Variants in DCTN4 observed in about 807,000 individuals in gnomAD.
The protein encoded by DCTN4 is dynactin 4 (p62).
DCTN4 carries 23 observed loss-of-function variants against 62.7 expected under a neutral mutation model. The observed-to-expected ratio is 0.37, with a 90% confidence interval of 0.26 to 0.52. The LOEUF is 0.52. Among genes scored for constraint, DCTN4 ranks in the 20% least tolerant of loss-of-function variants. The probability of loss-of-function intolerance (pLI) is 0.92; values close to 1 mark genes in which losing one functional copy is unlikely to be tolerated. For synonymous variants in DCTN4, 199 were observed against 202.1 expected (o/e 0.98, Z 0.13); for missense variants, 514 against 580.4 (o/e 0.89, Z 1.18).
At chr5:150,728,116 C>A (rs1254423296) in intron 8 of DCTN4, among the ~76,000 whole-genome samples, 1 of 152,034 alleles carries the variant, frequency 6.6e-6, no homozygotes, top group Non-Finnish European at 1.5e-5. Flanking sequence ...TATAAACACA[C>A]AACAAGCAAA....
chr5:150,722,152 T>A (rs549854783), intron 9 of DCTN4, among the ~76,000 whole-genome samples: 4 of 152,308 alleles, frequency 2.6e-5, no homozygotes, highest in African/African-American at 9.6e-5. Flanking sequence ...TAACCACTAT[T>A]TCTTTTTGCT....
At chr5:150,755,592 A>C (rs151036003) in intron 2 of DCTN4, 631 of 456,226 alleles carry the variant, frequency 1.4e-3, no homozygotes, top group Non-Finnish European at 1.8e-3. Context: ...ACATCATGCA[A>C]ATCCTAATGA....
intron 3 of DCTN4, among the ~76,000 whole-genome samples, chr5:150,747,745 A>G (rs1286993211): frequency 6.7e-6 from 1 of 150,096 alleles, no homozygotes; most frequent in African/African-American, 2.5e-5. Flanking sequence ...ATATGTAGAA[A>G]GCTGAAACTG....
chr5:150,742,475 A>T (rs1013090292), intron 3 of DCTN4, among the ~76,000 whole-genome samples: 1 of 152,208 alleles, frequency 6.6e-6, no homozygotes, highest in African/African-American at 2.4e-5. Flanking sequence ...AGGCTCAGAG[A>T]TGTTAAATAA....
At chr5:150,751,539 C>T (rs1160025791) in intron 3 of DCTN4, among the ~76,000 whole-genome samples, 2 of 152,062 alleles carry the variant, frequency 1.3e-5, no homozygotes, top group African/African-American at 4.8e-5. Context: ...CTGAGGCCTA[C>T]ATTATGCCAC....
intron 12 of DCTN4, 29 bp from the exon 13 acceptor site, chr5:150,711,391 G>A (rs546266503): frequency 6.3e-7 from 1 of 1,583,880 alleles, no homozygotes; most frequent in African/African-American, 1.4e-5. Flanking sequence ...GCAAGTATTA[G>A]GTAGATAAAA....
intron 1 of DCTN4, among the ~76,000 whole-genome samples, chr5:150,757,639 G>T (rs575303538): frequency 6.6e-6 from 1 of 152,234 alleles, no homozygotes; most frequent in Non-Finnish European, 1.5e-5. Context: ...TACACATAAG[G>T]AAAGTGCTAA....
chr5:150,747,754 T>C (rs1338379960), intron 3 of DCTN4, among the ~76,000 whole-genome samples: 2 of 150,006 alleles, frequency 1.3e-5, no homozygotes, highest in African/African-American at 2.5e-5. Context: ...AAGCTGAAAC[T>C]GGATCCCTTC....
intron 3 of DCTN4, among the ~76,000 whole-genome samples, chr5:150,750,783 T>A (rs533224467): frequency 1.8e-4 from 28 of 152,314 alleles, no homozygotes; most frequent in Non-Finnish European, 3.8e-4. Context: ...AGGATTGTGA[T>A]TATTATCTCT....
intron 3 of DCTN4, among the ~76,000 whole-genome samples, chr5:150,744,494 T>A (rs1352641561): frequency 2.0e-5 from 3 of 152,072 alleles, no homozygotes; most frequent in Non-Finnish European, 4.4e-5. Flanking sequence ...ATTGTCAGAT[T>A]CACCAAAGTT....
intron 8 of DCTN4, among the ~76,000 whole-genome samples, chr5:150,723,596 A>C (rs755477321): frequency 6.6e-6 from 1 of 152,204 alleles, no homozygotes; most frequent in Non-Finnish European, 1.5e-5. Flanking sequence ...GGCCTCCCAA[A>C]GTGCTGGGAT....
intron 11 of DCTN4, 103 bp from the exon 12 acceptor site, chr5:150,715,765 C>T (rs1483631863): frequency 2.3e-6 from 2 of 872,990 alleles, no homozygotes; most frequent in Non-Finnish European, 3.7e-6. Context: ...CAGCAAGTTT[C>T]AGGAAACATA....
intron 11 of DCTN4, among the ~76,000 whole-genome samples, chr5:150,717,235 A>G (rs1161899607): frequency 5.3e-5 from 8 of 152,038 alleles, no homozygotes; most frequent in African/African-American, 1.9e-4. Context: ...AGTCAAAATC[A>G]CCTACTTTAA....
intron 9 of DCTN4, among the ~76,000 whole-genome samples, chr5:150,721,285 T>C (rs1759948010): frequency 6.6e-6 from 1 of 152,224 alleles, no homozygotes; most frequent in Non-Finnish European, 1.5e-5. Flanking sequence ...TGTTAATGGT[T>C]AATCAGTTTG....
chr5:150,711,463 C>A, intron 12 of DCTN4, 101 bp from the exon 13 acceptor site: 1 of 918,022 alleles, frequency 1.1e-6, no homozygotes. Context: ...TCCTTCAGCA[C>A]ACACAGAAAA....
At chr5:150,718,244 G>T (rs193155671) in intron 11 of DCTN4, 32 bp downstream of exon 11, 2 of 1,466,026 alleles carry the variant, frequency 1.4e-6, no homozygotes, top group Admixed American at 1.7e-5. Flanking sequence ...GGGAAAGTGC[G>T]GGTCAGTCAG....
At chr5:150,716,063 C>T (rs1759747811) in intron 11 of DCTN4, among the ~76,000 whole-genome samples, 1 of 152,078 alleles carries the variant, frequency 6.6e-6, no homozygotes, top group African/African-American at 2.4e-5. Context: ...CACCACCATG[C>T]CTGGCTAATT....
intron 1 of DCTN4, chr5:150,758,641 C>A: frequency 3.2e-6 from 4 of 1,237,000 alleles, no homozygotes; most frequent in Non-Finnish European, 4.2e-6. Flanking sequence ...AATCAGAGGC[C>A]GCTCTAGAAC....
rs1196046998 is a variant in DCTN4, at chr5:150,715,622, T to G, written c.1112A>C (p.Asp371Ala). 6.2e-7 allele frequency: 1 copy of G among 1,614,184 alleles called. No homozygotes were observed. The highest frequency in any genetic ancestry group is 1.3e-5 in the African/African-American group (1 of 75,048). Residue 371 changes from aspartate to alanine, a missense_variant, in exon 12 of 13, where the codon GAT becomes GCT. Physicochemically the swap from Asp to Ala is moderately radical, Grantham distance 126 (BLOSUM62 -2). Coordinates refer to ENST00000447998, the MANE Select transcript of DCTN4 (RefSeq NM_016221.4). The part of the protein sequence containing the change: ...PPKELVLAGK[D>A]AAAEYDELAE... Reference sequence around the variant, plus strand: ...CAACTCATCGTACTCTGCTGCTGCATCCTTGCCAGCTAAAACGAGCTCTTT... The same window carrying G: ...CAACTCATCGTACTCTGCTGCTGCAGCCTTGCCAGCTAAAACGAGCTCTTT...
Sources: allele counts gnomAD v4.1 joint callset (sites outside exome capture counted in the v4.1 genomes callset), GRCh38; gene constraint gnomAD v4.1.1; transcripts MANE v1.5; gene names NCBI Gene and HGNC (gene_info 2026-07-23, HGNC 2026-07-21).